The following SNTG2 variants were observed in gnomAD, a reference collection of about 807,000 sequenced individuals.
The protein encoded by SNTG2 is syntrophin gamma 2.
Under a neutral mutation model 70.9 loss-of-function variants are expected in SNTG2, and 74 were observed. The ratio of observed to expected loss-of-function variants is 1.04; its 90% CI spans 0.86 to 1.27. The LOEUF (loss-of-function observed/expected upper bound fraction) is 1.27, where lower values mean the gene tolerates loss of function less well. Among genes scored for constraint, SNTG2 ranks in the 50% most tolerant of loss-of-function variants. The pLI, the probability that SNTG2 is intolerant of heterozygous loss-of-function variation, is 0.00. For missense variants in SNTG2, 717 were observed against 690.7 expected (o/e 1.04, Z -0.43); for synonymous variants, 278 against 273.8 (o/e 1.02, Z -0.15).
At chr2:1,334,334 A>C (rs574002795) in intron 16 of SNTG2, among the ~76,000 whole-genome samples, 1 of 152,350 alleles carries the variant, frequency 6.6e-6, no homozygotes, top group Admixed American at 6.5e-5. Flanking sequence ...GAACACTTTT[A>C]CCTGCTGGTG....
At chr2:987,330 G>A (rs926773538) in intron 1 of SNTG2, among the ~76,000 whole-genome samples, 3 of 152,124 alleles carry the variant, frequency 2.0e-5, no homozygotes, top group East Asian at 3.9e-4. Flanking sequence ...CATGGATGTC[G>A]GCGTCCTGAT....
intron 4 of SNTG2, among the ~76,000 whole-genome samples, chr2:1,132,650 G>A (rs1668101478): frequency 6.6e-6 from 1 of 152,178 alleles, no homozygotes; most frequent in Non-Finnish European, 1.5e-5. Flanking sequence ...CGGAGTTGCG[G>A]GGTTGGCTGC....
At chr2:1,299,453 T>C (rs946713007) in intron 14 of SNTG2, among the ~76,000 whole-genome samples, 5 of 152,160 alleles carry the variant, frequency 3.3e-5, no homozygotes, top group African/African-American at 1.2e-4. Flanking sequence ...AATCTGCAGC[T>C]CCTCACCCCA....
At chr2:1,165,996 T>C (rs1041673204) in intron 7 of SNTG2, among the ~76,000 whole-genome samples, 1 of 152,174 alleles carries the variant, frequency 6.6e-6, no homozygotes. Context: ...AAATTTTCAG[T>C]GCAAAAAATG....
intron 14 of SNTG2, among the ~76,000 whole-genome samples, chr2:1,306,273 C>T (rs1009134693): frequency 6.6e-6 from 1 of 152,002 alleles, no homozygotes; most frequent in Non-Finnish European, 1.5e-5. Flanking sequence ...GCTGGATCCC[C>T]GTTTATCCTG....
chr2:1,015,728 G>C (rs936805861), intron 1 of SNTG2, among the ~76,000 whole-genome samples: 8 of 152,198 alleles, frequency 5.3e-5, no homozygotes, highest in Non-Finnish European at 1.2e-4. Flanking sequence ...CTCACATGCA[G>C]GTTTGTAAAT....
intron 6 of SNTG2, among the ~76,000 whole-genome samples, chr2:1,147,025 A>C (rs905309242): frequency 1.3e-5 from 2 of 152,196 alleles, no homozygotes; most frequent in African/African-American, 4.8e-5. Flanking sequence ...CATAAGATTT[A>C]TTGACTTCAT....
chr2:1,255,875 T>TATATATAAATATATATATAA (rs1553373349), intron 12 of SNTG2, among the ~76,000 whole-genome samples: 10 of 55,854 alleles, frequency 1.8e-4, no homozygotes, highest in South Asian at 1.4e-3. Context: ...TATATATAAA[T>TATATATAAATATATATATAA]ATATATATAA....
intron 4 of SNTG2, among the ~76,000 whole-genome samples, chr2:1,101,885 G>A (rs945090092): frequency 6.6e-6 from 1 of 152,218 alleles, no homozygotes; most frequent in Non-Finnish European, 1.5e-5. Context: ...GGACACCAGA[G>A]CAGCCAGGTA....
In SNTG2 at chr2:1,039,019, G is replaced by A. The variant is rs80037533; in HGVS notation, c.73-44499G>A. On this transcript the variant is annotated intron_variant, in intron 1 of 16. Transcript: ENST00000308624. Reference sequence around the variant, plus strand: ...CATCTTCCACTTTGCAAATCTGTAAGTTCATATGGAGTGTGCATAAAGCTC... The same window carrying A: ...CATCTTCCACTTTGCAAATCTGTAAATTCATATGGAGTGTGCATAAAGCTC... 4.6e-3 allele frequency among the ~76,000 whole-genome samples: 702 copies of A among 152,286 alleles called. 4 individuals are homozygous for A. The highest frequency in any genetic ancestry group is 6.2e-3 in the Non-Finnish European group (424 of 68,028).
At chr2:1,092,794 T>C (rs1035242394) in intron 2 of SNTG2, among the ~76,000 whole-genome samples, 2 of 152,210 alleles carry the variant, frequency 1.3e-5, no homozygotes, top group African/African-American at 4.8e-5. Flanking sequence ...TCTTAAAATA[T>C]GTGGTCAGAA....
chr2:993,786 C>A (rs1248757985), intron 1 of SNTG2, among the ~76,000 whole-genome samples: 2 of 151,970 alleles, frequency 1.3e-5, no homozygotes, highest in African/African-American at 4.8e-5. Context: ...TGTTAAGTAT[C>A]TTCACATGTA....
intron 1 of SNTG2, among the ~76,000 whole-genome samples, chr2:983,196 G>A (rs553990906): frequency 1.1e-4 from 17 of 152,074 alleles, no homozygotes; most frequent in Non-Finnish European, 2.2e-4. Context: ...AGAAGCTGCA[G>A]AGGTGGTGGT....
At chr2:1,194,643 A>G (rs1243821913) in intron 8 of SNTG2, among the ~76,000 whole-genome samples, 1 of 152,172 alleles carries the variant, frequency 6.6e-6, no homozygotes, top group Non-Finnish European at 1.5e-5. Context: ...CTAAAATTAT[A>G]CTAAAATTGG....
chr2:1,269,149 A>AAAAAATAGAATTTCTTTATGAATAGTC (rs1678893807), intron 14 of SNTG2, among the ~76,000 whole-genome samples: 1 of 152,190 alleles, frequency 6.6e-6, no homozygotes, highest in Non-Finnish European at 1.5e-5. Flanking sequence ...TAGGATTCCT[A>AAAAAATAGAATTTCTTTATGAATAGTC]AAAAATAGAA....
At chr2:975,495 T>C (rs529681306) in intron 1 of SNTG2, among the ~76,000 whole-genome samples, 54 of 152,354 alleles carry the variant, frequency 3.5e-4, no homozygotes, top group African/African-American at 1.3e-3. Flanking sequence ...AGAAAGTCTC[T>C]GGGGCAAGGA....
At chr2:1,269,716 G>T (rs547300016) in intron 14 of SNTG2, among the ~76,000 whole-genome samples, 1 of 152,174 alleles carries the variant, frequency 6.6e-6, no homozygotes, top group African/African-American at 2.4e-5. Context: ...CAGAATGAAA[G>T]ATCTAAGATT....
chr2:1,148,205 G>T (rs562508829), intron 6 of SNTG2, among the ~76,000 whole-genome samples: 11 of 152,358 alleles, frequency 7.2e-5, no homozygotes, highest in Admixed American at 2.0e-4. Flanking sequence ...CATTCCAAAT[G>T]AAAGTGTTGG....
At chr2:1,357,629 T>G (rs1660922174) in intron 16 of SNTG2, among the ~76,000 whole-genome samples, 1 of 152,172 alleles carries the variant, frequency 6.6e-6, no homozygotes, top group East Asian at 1.9e-4. Flanking sequence ...AATTCCCCAG[T>G]GGAGCCATCT....
Sources: allele counts gnomAD v4.1 joint callset (sites outside exome capture counted in the v4.1 genomes callset), GRCh38; gene constraint gnomAD v4.1.1; transcripts MANE v1.5; gene names NCBI Gene and HGNC (gene_info 2026-07-23, HGNC 2026-07-21).